YME1L1: variants seen among roughly 807,000 people sequenced by gnomAD.
The protein encoded by YME1L1 is ATP-dependent zinc metalloprotease YME1L1.
A neutral mutation model predicts 90.4 loss-of-function variants in YME1L1; 39 were observed. That is an observed-to-expected ratio of 0.43 (90% CI 0.33 to 0.56). YME1L1 has a LOEUF of 0.56. Among genes scored for constraint, YME1L1 ranks in the 20% least tolerant of loss-of-function variants. The pLI, the probability that YME1L1 is intolerant of heterozygous loss-of-function variation, is 0.03. For synonymous variants in YME1L1, 284 were observed against 287.3 expected, an observed-to-expected ratio of 0.99 and a Z score of 0.12; for missense variants, 617 against 868.4, an observed-to-expected ratio of 0.71 and a Z score of 3.64.
In YME1L1 at chr10:27,131,836, G is replaced by C. The variant is rs374805479; in HGVS notation, c.858+23C>G. On this transcript the variant is annotated intron_variant, in intron 8 of 18. Coordinates refer to ENST00000376016, the MANE Select transcript of YME1L1 (RefSeq NM_014263.4). ...ATCAATTAGAGGATGTATGAAGAAG[G>C]CAAGGCAATCTTCTTAACTTACCCC... 3.2e-6 allele frequency: 5 copies of C among 1,576,212 alleles called. No homozygotes were observed. The South Asian group carries it at 5.7e-5, about 18-fold the overall frequency.
chr10:27,136,269 T>G lies in YME1L1; in HGVS notation c.540+7A>C, dbSNP rs536016908. 42 of 1,608,004 alleles carry G rather than the reference T, an allele frequency of 2.6e-5. No homozygotes were observed. In the African/African-American group the frequency reaches 4.6e-4, roughly 18 times the overall value. ...TTGCTTTTTGGATCATAAAAAGGTC[T>G]AATTACCTTCACGAATGATGGCGCT... On this transcript the variant is annotated splice_region_variant and intron_variant, in intron 5 of 18. Coordinates refer to ENST00000376016, the MANE Select transcript of YME1L1 (RefSeq NM_014263.4).
chr10:27,149,011 A>G lies in YME1L1; in HGVS notation c.63T>C (p.Asn21=), dbSNP rs2057177658. Residue 21 remains asparagine (N), a synonymous_variant, in exon 2 of 19, where the codon AAT becomes AAC. Transcript: ENST00000376016. ...QVTVPLSHLI[N]AFHTPKNTSV... The stretch of plus-strand genomic sequence containing the variant: ...AAGTGTTTTTTGGTGTATGGAAGGC[A>G]TTGATGAGATGACTCAGAGGAACTG... 6.2e-7 allele frequency: 1 copy of G among 1,612,892 alleles called. No individual in the cohort carries two copies. Among genetic ancestry groups the G allele is most frequent in the Non-Finnish European group, 8.5e-7 (1 of 1,179,596 alleles).
rs1194194881 is a variant in YME1L1 at position 27,134,101 on chromosome 10, A to G, written c.713T>C (p.Leu238Pro). Residue 238 changes from leucine (L) to proline (P), a missense_variant, in exon 7 of 19, where the codon CTG becomes CCG. Physicochemically the swap from Leu to Pro is moderately conservative, Grantham distance 98 (BLOSUM62 -3). Transcript: ENST00000376016. ...KTNDSLRRTR[L>P]ILFVLLLFGI... is the part of the protein sequence containing the mutation. ...GAATAGCAGCAGAACGAAGAGAATC[A>G]GACGGGTTCGCCTTAGGGAATCTAG... 6.2e-7 allele frequency: 1 copy of G among 1,613,384 alleles called. No individual in the cohort carries two copies.
chr10:27,132,011 G>A, intron 7 of YME1L1, 70 bp from the exon 8 acceptor site: 2 of 1,274,020 alleles, frequency 1.6e-6, no homozygotes, highest in South Asian at 1.4e-5. Flanking sequence ...TTTTTTAGAT[G>A]CAAGAAAGCA....
chr10:27,134,809 G>A (rs534737308), intron 6 of YME1L1, 22 bp downstream of exon 6: 16 of 1,610,720 alleles, frequency 9.9e-6, no homozygotes, highest in South Asian at 9.9e-5. Context: ...TCTCAAACAC[G>A]GATGGTGTCA....
chr10:27,144,808 T>C (rs941471810), intron 3 of YME1L1, among the ~76,000 whole-genome samples: 1 of 152,168 alleles, frequency 6.6e-6, no homozygotes, highest in Non-Finnish European at 1.5e-5. Flanking sequence ...AAAACAAATT[T>C]TGTTGAAATT....
intron 15 of YME1L1, 75 bp downstream of exon 15, chr10:27,117,501 G>A: frequency 6.8e-7 from 1 of 1,465,662 alleles, no homozygotes; most frequent in Non-Finnish European, 9.4e-7. Context: ...CCGGAAGGCA[G>A]AGGTTGCAGT....
At chr10:27,151,936 G>GA (rs1199217646) in intron 1 of YME1L1, among the ~76,000 whole-genome samples, 51 of 151,382 alleles carry the variant, frequency 3.4e-4, no homozygotes, top group African/African-American at 1.1e-3. Flanking sequence ...TTTGTTTATA[G>GA]AAAAAAATGT....
rs2057213398 is a variant in YME1L1 at position 27,151,327 on chromosome 10, T to C, written c.34-2287A>G. ...TGTTTATCTCCTTCAAAACTCAAGT[T>C]TGAGTTGAGAACAATGGCAAACTTA... On this transcript the variant is annotated intron_variant, in intron 1 of 18. Transcript: ENST00000376016. Among the ~76,000 whole-genome samples, 4 of 152,180 alleles carry C rather than the reference T, an allele frequency of 2.6e-5. No individual in the cohort carries two copies. In the South Asian group the frequency reaches 8.3e-4, roughly 31 times the overall value.
chr10:27,119,320 T>G lies in YME1L1; in HGVS notation c.1541A>C (p.Glu514Ala). 6.2e-7 allele frequency: 1 copy of G among 1,607,954 alleles called. No individual in the cohort carries two copies. The highest frequency in any genetic ancestry group is 1.1e-5 in the South Asian group (1 of 89,834). ...GKEMVTMKEL[E>A]FSKDKILMGP... ...CATTAGAATTTTGTCTTTGGAAAACTCCAGCTCCTTCATGGTAACCATTTC... is the reference window on the plus strand; with the variant it reads ...CATTAGAATTTTGTCTTTGGAAAACGCCAGCTCCTTCATGGTAACCATTTC... Residue 514 changes from glutamate (E) to alanine (A), a missense_variant, in exon 14 of 19, where the codon GAG (glutamate) becomes GCG (alanine). Coordinates refer to ENST00000376016, the MANE Select transcript of YME1L1 (RefSeq NM_014263.4).
In YME1L1 at chr10:27,123,700, C is replaced by A; in HGVS notation, c.950-1G>T. 6.3e-7 allele frequency: 1 copy of A among 1,584,180 alleles called. No individual in the cohort carries two copies. The highest frequency in any genetic ancestry group is 8.6e-7 in the Non-Finnish European group (1 of 1,169,364). On this transcript the variant is annotated splice_acceptor_variant, in intron 9 of 18. Transcript: ENST00000376016. LOFTEE classifies it high-confidence loss of function. The stretch of plus-strand genomic sequence containing the variant: ...CCTGGGGGTCCAACTAAAAGAATTC[C>A]TAAAAGAAAATGAAAACGAGAATGA...
chr10:27,137,078 G>A (rs1314254092), intron 4 of YME1L1, among the ~76,000 whole-genome samples: 1 of 149,326 alleles, frequency 6.7e-6, no homozygotes, highest in Non-Finnish European at 1.5e-5. Context: ...CTACACAACT[G>A]ATTTTTACAT....
At chr10:27,123,499 T>A (rs774265692) in intron 10 of YME1L1, 48 bp downstream of exon 10, 3 of 1,582,362 alleles carry the variant, frequency 1.9e-6, no homozygotes, top group Middle Eastern at 1.7e-4. Flanking sequence ...AGATACACAC[T>A]TCCCTTAACA....
intron 1 of YME1L1, chr10:27,153,129 T>A: frequency 2.2e-6 from 1 of 462,372 alleles, no homozygotes; most frequent in South Asian, 1.6e-5. Context: ...TATTTTTCTG[T>A]ATGCCTGTGA....
At chr10:27,151,394 G>C (rs1326804115) in intron 1 of YME1L1, among the ~76,000 whole-genome samples, 1 of 152,196 alleles carries the variant, frequency 6.6e-6, no homozygotes, top group Admixed American at 6.5e-5. Flanking sequence ...CCTTTAAGAG[G>C]CATTTAGTTC....
In YME1L1 at chr10:27,145,474, C is replaced by G; in HGVS notation, c.285G>C (p.Trp95Cys). Reference sequence around the variant, plus strand: ...ATTGTGCAGAGACATGGGATGTATGCCAATGGGAAGAAATGTTTTTGCCTT... The same window carrying G: ...ATTGTGCAGAGACATGGGATGTATGGCAATGGGAAGAAATGTTTTTGCCTT... ...FCKGKNISSH[W>C]HTSHVSAQSF... Residue 95 changes from tryptophan to cysteine, a missense_variant, in exon 3 of 19, where the codon TGG becomes TGC. Coordinates refer to ENST00000376016, the MANE Select transcript of YME1L1 (RefSeq NM_014263.4). The G allele has an allele frequency of 6.2e-7, 1 of 1,613,238 alleles. No individual in the cohort carries two copies. Among genetic ancestry groups the G allele is most frequent in the Non-Finnish European group, 8.5e-7 (1 of 1,179,498 alleles).
chr10:27,148,970 C>G lies in YME1L1; in HGVS notation c.104G>C (p.Gly35Ala), dbSNP rs1371539092. 6.2e-7 allele frequency: 1 copy of G among 1,613,986 alleles called. No homozygotes were observed. Among genetic ancestry groups the G allele is most frequent in the South Asian group, 1.1e-5 (1 of 91,068 alleles). The change falls in exon 2 of 19, where the codon GGA becomes GCA. Residue 35 changes from glycine to alanine, a missense_variant. Coordinates refer to ENST00000376016, the MANE Select transcript of YME1L1 (RefSeq NM_014263.4). Reference sequence around the variant, plus strand: ...ATGCTGGTTTTGAGAAACTGACACTCCACTGAGAGAAACAGAAGTGTTTTT... The same window carrying G: ...ATGCTGGTTTTGAGAAACTGACACTGCACTGAGAGAAACAGAAGTGTTTTT... ...TPKNTSVSLS[G>A]VSVSQNQHRD... is the part of the protein sequence containing the mutation.
intron 2 of YME1L1, 87 bp downstream of exon 2, chr10:27,148,819 G>C: frequency 6.5e-7 from 1 of 1,541,848 alleles, no homozygotes. Context: ...GACTACGGGG[G>C]AGGGACAATA....
intron 1 of YME1L1, among the ~76,000 whole-genome samples, chr10:27,151,186 T>G (rs2135910025): frequency 6.6e-6 from 1 of 152,298 alleles, no homozygotes; most frequent in East Asian, 1.9e-4. Context: ...CCTCCCAAAG[T>G]GCTGGGATTA....
Sources: gnomAD v4.1 joint callset for allele counts (sites outside exome capture counted in the v4.1 genomes callset) on GRCh38, gnomAD v4.1.1 for gene constraint, MANE v1.5 for transcripts, NCBI Gene and HGNC (gene_info 2026-07-23, HGNC 2026-07-21) for gene names.